The following UNC13A variants were observed in gnomAD, a reference collection of about 807,000 sequenced individuals.
UNC13A encodes protein unc-13 homolog A.
A neutral mutation model predicts 219.7 loss-of-function variants in UNC13A; 61 were observed. The ratio of observed to expected loss-of-function variants is 0.28; its 90% confidence interval spans 0.23 to 0.34. UNC13A has a LOEUF of 0.34. Among genes scored for constraint, UNC13A ranks in the 10% least tolerant of loss-of-function variants. UNC13A has a pLI of 1.00. For synonymous variants in UNC13A, 920 were observed against 884.6 expected, an observed-to-expected ratio of 1.04 and a Z score of -0.71; for missense variants, 1,476 against 2,270.3, an observed-to-expected ratio of 0.65 and a Z score of 7.11.
chr19:17,673,636 T>A (rs1168370895), intron 3 of UNC13A, among the ~76,000 whole-genome samples: 1 of 151,446 alleles, frequency 6.6e-6, no homozygotes, highest in Non-Finnish European at 1.5e-5. Context: ...GAGGTTGCAG[T>A]GAGCCGAGAT....
At chr19:17,615,956 A>AAGG (rs1166783776) in intron 41 of UNC13A, among the ~76,000 whole-genome samples, 1 of 151,434 alleles carries the variant, frequency 6.6e-6, no homozygotes, top group Non-Finnish European at 1.5e-5. Context: ...TAGGTGACAG[A>AAGG]AGGAGACCTT....
chr19:17,676,278 G>C, intron 1 of UNC13A: 1 of 649,108 alleles, frequency 1.5e-6, no homozygotes, highest in Non-Finnish European at 2.8e-6. Context: ...GCAGGGATGA[G>C]AGGGAGAGAG....
At chr19:17,632,242 G>A (rs1229796980) in intron 28 of UNC13A, among the ~76,000 whole-genome samples, 2 of 152,018 alleles carry the variant, frequency 1.3e-5, no homozygotes, top group South Asian at 2.1e-4. Flanking sequence ...CTGGGGTTTC[G>A]CCCTATTGGC....
In UNC13A at chr19:17,652,631, C is replaced by T. The variant is rs1350095202; in HGVS notation, c.1439G>A (p.Gly480Asp). Residue 480 changes from glycine (G) to aspartate (D), a missense_variant and splice_region_variant, in exon 12 of 44, where the codon GGC (glycine) becomes GAC (aspartate). Around this residue, in one of 14 missense-constraint regions of UNC13A, gnomAD observed 351 missense variants for 342.6 expected, o/e 1.02. Transcript: ENST00000519716. The part of the protein sequence containing the change: ...EMSKSLWFKG[G>D]PGGGLIIIDS... ...CACCGCTCACAGTTTCATTACTTAC[C>T]CGCCTTTGAACCATAGGGATTTAGA... The T allele has an allele frequency of 1.9e-6, 3 of 1,613,702 alleles. No homozygotes were observed. Among genetic ancestry groups the T allele is most frequent in the Non-Finnish European group, 2.5e-6 (3 of 1,179,804 alleles).
At position 17,688,230 on chromosome 19, in the gene UNC13A, G is replaced by T. The variant is rs773280321; in HGVS notation, c.-31C>A. On this transcript the variant is annotated 5_prime_UTR_variant, in exon 1 of 44. Coordinates refer to ENST00000519716, the MANE Select transcript of UNC13A (RefSeq NM_001080421.3). ...CGAGCTCGCAGGTGGGCCGGAGGCG[G>T]CCGGGCCGGCTCTGTCGGGTCGGGC... 4 of 1,487,254 alleles carry T rather than the reference G, an allele frequency of 2.7e-6. No homozygotes were observed. The highest frequency in any genetic ancestry group is 1.5e-5 in the African/African-American group (1 of 68,500). 92.1% of individuals were successfully genotyped at this position (1,487,254 alleles called of 1,614,324 possible).
At chr19:17,679,682 T>TTC (rs143875351) in intron 1 of UNC13A, among the ~76,000 whole-genome samples, 10 of 151,716 alleles carry the variant, frequency 6.6e-5, no homozygotes, top group Admixed American at 2.6e-4. Context: ...CCTTGATCTG[T>TTC]TCTCTCTCTC....
intron 7 of UNC13A, among the ~76,000 whole-genome samples, chr19:17,665,011 C>T (rs2079615426): frequency 6.6e-6 from 1 of 152,092 alleles, no homozygotes; most frequent in South Asian, 2.1e-4. Flanking sequence ...ACCAGCCTGG[C>T]CAACATGGCA....
intron 1 of UNC13A, among the ~76,000 whole-genome samples, chr19:17,679,556 G>C (rs943781541): frequency 2.6e-5 from 4 of 151,760 alleles, no homozygotes; most frequent in Middle Eastern, 3.4e-3. Context: ...CAGGCTCTGG[G>C]GGGTGATACA....
chr19:17,655,947 T>C lies in UNC13A; in HGVS notation c.1219A>G (p.Thr407Ala), dbSNP rs1441274062. 2 of 1,545,566 alleles carry C rather than the reference T, an allele frequency of 1.3e-6. No homozygotes were observed. Among genetic ancestry groups the C allele is most frequent in the Non-Finnish European group, 1.7e-6 (2 of 1,148,278 alleles). Residue 407 changes from threonine (T) to alanine (A), a missense_variant, in exon 10 of 44, where the codon ACG becomes GCG. Coordinates refer to ENST00000519716, the MANE Select transcript of UNC13A (RefSeq NM_001080421.3). ...TCAGCTGCAGGCACCTTGTCGGGCG[T>C]GGCTGGCTTGGGGGCCACCTTGGCC... is the stretch of plus-strand genomic sequence containing the variant. Reference protein sequence around the residue: ...DMAKVAPKPATPDKVPAAEQI... With the variant: ...DMAKVAPKPAAPDKVPAAEQI...
At chr19:17,619,019 GC>G in intron 38 of UNC13A, 57 bp from the exon 39 acceptor site, 1 of 1,537,120 alleles carries the variant, frequency 6.5e-7, no homozygotes, top group Non-Finnish European at 9.0e-7. Flanking sequence ...TGACACTCCA[GC>G]CCCAGAGACC....
intron 11 of UNC13A, among the ~76,000 whole-genome samples, chr19:17,653,610 A>G (rs62121691): frequency 0.018 from 2,735 of 151,556 alleles, 31 homozygotes; most frequent in Non-Finnish European, 0.027. Context: ...CTGCCTCCCA[A>G]AGTGCTGGGA....
At position 17,627,810 on chromosome 19, in the gene UNC13A, C is replaced by T. The variant is rs1454911297; in HGVS notation, c.3831+53G>A. 1.3e-6 allele frequency: 2 copies of T among 1,542,098 alleles called. No individual in the cohort carries two copies. The highest frequency in any genetic ancestry group is 1.8e-6 in the Non-Finnish European group (2 of 1,133,746). On this transcript the variant is annotated intron_variant, in intron 32 of 43. Transcript: ENST00000519716. This position sits in a 1 kb window ranked among gnomAD's most constrained non-coding sequence, Gnocchi z 4.7. ...ATGAGCTCAGGGGCCTGCAGGGACA[C>T]AGTGGTGGGGGTGCCCCATCCCTTC... is the stretch of plus-strand genomic sequence containing the variant.
chr19:17,604,375 T>C lies in UNC13A; in HGVS notation c.*1679A>G, dbSNP rs1359638049. On this transcript the variant is annotated 3_prime_UTR_variant, in exon 44 of 44. Coordinates refer to ENST00000519716, the MANE Select transcript of UNC13A (RefSeq NM_001080421.3). ...CCCCAAGGCTCCTCACGATCCCCCT[T>C]GCTGGCTCAGCTCCAGCCGTGCCAC... is the stretch of plus-strand genomic sequence containing the variant. 1 of 152,376 alleles carries C rather than the reference T, an allele frequency of 6.6e-6. No individual in the cohort carries two copies. The highest frequency in any genetic ancestry group is 2.4e-5 in the African/African-American group (1 of 41,434). The allele number at this position is 152,376 out of a possible 1,614,324, so 9.4% of individuals were successfully genotyped here. A position where few individuals can be genotyped will look rare whatever the true frequency, so the allele number is the denominator to read the frequency against.
At chr19:17,625,944 T>G (rs1361556818) in intron 34 of UNC13A, among the ~76,000 whole-genome samples, 1 of 151,870 alleles carries the variant, frequency 6.6e-6, no homozygotes, top group Non-Finnish European at 1.5e-5. Flanking sequence ...CATCCATCCA[T>G]CCATCCAGCC....
At position 17,672,236 on chromosome 19, in the gene UNC13A, T is replaced by C. The variant is rs550344613; in HGVS notation, c.270+142A>G. On this transcript the variant is annotated intron_variant, in intron 4 of 43. Transcript: ENST00000519716. ...GAAGGTGTATAGGCTCTAGTGACTT[T>C]GGAAGGTTCGTGGCAATCCCAAGTG... 3.4e-4 allele frequency: 236 copies of C among 695,874 alleles called. 2 individuals carry two copies. Among genetic ancestry groups the C allele is most frequent in the Non-Finnish European group, 5.1e-4 (204 of 401,502 alleles). 43.1% of individuals were successfully genotyped at this position (695,874 alleles called of 1,614,324 possible).
intron 40 of UNC13A, among the ~76,000 whole-genome samples, chr19:17,618,175 T>A (rs2076688671): frequency 6.6e-6 from 1 of 152,160 alleles, no homozygotes; most frequent in African/African-American, 2.4e-5. Flanking sequence ...CCAGCCCACA[T>A]CCTTCCCTCT....
At position 17,633,181 on chromosome 19, in the gene UNC13A, C is replaced by T. The variant is rs772618894; in HGVS notation, c.3228G>A (p.Glu1076=). The change falls in exon 27 of 44, where the codon GAG becomes GAA. Residue 1076 remains glutamate, a synonymous_variant. Coordinates refer to ENST00000519716, the MANE Select transcript of UNC13A (RefSeq NM_001080421.3). ...YTPCLNQFPQ[E]LNVGKISAEV... ...CAGCGCTGATTTTACCCACATTCAG[C>T]TCCTGGGGAAACCTGGCAAAGTCAT... is the stretch of plus-strand genomic sequence containing the variant. The T allele has an allele frequency of 6.2e-7, 1 of 1,614,100 alleles. No individual in the cohort carries two copies. Among genetic ancestry groups the T allele is most frequent in the Admixed American group, 1.7e-5 (1 of 60,016 alleles).
intron 24 of UNC13A, 64 bp downstream of exon 24, chr19:17,639,372 C>T: frequency 6.3e-7 from 1 of 1,577,928 alleles, no homozygotes; most frequent in Non-Finnish European, 8.6e-7. Context: ...TGTCACTTGT[C>T]CTGGGAGCTG....
chr19:17,670,099 A>G (rs2079755849), intron 4 of UNC13A, among the ~76,000 whole-genome samples: 1 of 151,474 alleles, frequency 6.6e-6, no homozygotes. Context: ...GGCACCCGCC[A>G]CCACGCCTGG....
Sources: gnomAD v4.1 joint callset for allele counts (sites outside exome capture counted in the v4.1 genomes callset) on GRCh38, gnomAD v4.1.1 for gene constraint, gnomAD v4.1.1 regional missense constraint, Gnocchi (gnomAD v3.1) non-coding constraint, MANE v1.5 for transcripts, NCBI Gene and HGNC (gene_info 2026-07-23, HGNC 2026-07-21) for gene names.